Variants in AKAP13 observed in about 807,000 individuals in gnomAD.
AKAP13 encodes the protein A-kinase anchor protein 13.
Under a neutral mutation model 264.5 loss-of-function variants are expected in AKAP13, and 80 were observed. The observed-to-expected ratio is 0.30, with a 90% CI of 0.25 to 0.36. The LOEUF (loss-of-function observed/expected upper bound fraction) is 0.36. Among genes scored for constraint, AKAP13 ranks in the 10% least tolerant of loss-of-function variants. The pLI, the probability that AKAP13 is intolerant of heterozygous loss-of-function variation, is 1.00. For missense variants in AKAP13, 3,712 were observed against 3,435.2 expected, an observed-to-expected ratio of 1.08 and a Z score of -2.01; for synonymous variants, 1,380 against 1,250.2, an observed-to-expected ratio of 1.10 and a Z score of -2.19.
intron 1 of AKAP13, among the ~76,000 whole-genome samples, chr15:85,406,106 C>T (rs560309194): frequency 4.0e-4 from 61 of 152,320 alleles, no homozygotes; most frequent in Non-Finnish European, 7.6e-4. Flanking sequence ...CCTGCCTTGG[C>T]GTCCCAAAGT....
intron 3 of AKAP13, among the ~76,000 whole-genome samples, chr15:85,532,030 C>T (rs2077258763): frequency 6.6e-6 from 1 of 152,216 alleles, no homozygotes; most frequent in African/African-American, 2.4e-5. Flanking sequence ...ACCTTAATAT[C>T]TGTGTAACAT....
intron 3 of AKAP13, among the ~76,000 whole-genome samples, chr15:85,523,133 G>T (rs1325059799): frequency 6.6e-6 from 1 of 151,774 alleles, no homozygotes; most frequent in Admixed American, 6.6e-5. Context: ...TGTGTGCAAG[G>T]GTACCAGTGA....
chr15:85,568,538 C>T (rs899976063), intron 5 of AKAP13, among the ~76,000 whole-genome samples: 2 of 152,088 alleles, frequency 1.3e-5, no homozygotes, highest in African/African-American at 4.8e-5. Flanking sequence ...TCGGTGAATA[C>T]GGAGAATGGT....
intron 10 of AKAP13, among the ~76,000 whole-genome samples, chr15:85,649,379 T>C (rs2082701823): frequency 6.6e-6 from 1 of 152,234 alleles, no homozygotes; most frequent in Non-Finnish European, 1.5e-5. Context: ...CACTGGCAGA[T>C]AGGCCATCAG....
chr15:85,664,825 CTGGTAG>C, intron 13 of AKAP13, 70 bp downstream of exon 13: 1 of 1,443,524 alleles, frequency 6.9e-7, no homozygotes, highest in Non-Finnish European at 9.4e-7. Context: ...GGCAAGGCTT[CTGGTAG>C]TATAAGGCTA....
intron 12 of AKAP13, among the ~76,000 whole-genome samples, chr15:85,663,500 A>G (rs1418187468): frequency 6.6e-6 from 1 of 152,234 alleles, no homozygotes; most frequent in Non-Finnish European, 1.5e-5. Flanking sequence ...TAAATAATTT[A>G]AAAAAGCAAA....
At chr15:85,669,871 C>G in intron 14 of AKAP13, 41 bp downstream of exon 14, 1 of 1,389,264 alleles carries the variant, frequency 7.2e-7, no homozygotes. Flanking sequence ...TATATTAAAT[C>G]TTAACCACTC....
chr15:85,449,557 T>G (rs1463335025), intron 1 of AKAP13, among the ~76,000 whole-genome samples: 1 of 152,196 alleles, frequency 6.6e-6, no homozygotes, highest in Non-Finnish European at 1.5e-5. Context: ...TGGCTGTGGA[T>G]TTGTCATAGG....
Position 85,684,822 on chromosome 15 carries a change from T to A in AKAP13, c.5238T>A (p.Ser1746Arg). The A allele has an allele frequency of 6.2e-7, 1 of 1,613,912 alleles. No homozygotes were observed. Among genetic ancestry groups the A allele is most frequent in the Non-Finnish European group, 8.5e-7 (1 of 1,179,976 alleles). ...DSEWKSGTKVSRTFSYIKNKM... is the reference protein window; with the variant it reads ...DSEWKSGTKVRRTFSYIKNKM... ...AATGGAAGAGTGGAACAAAAGTCAG[T>A]CGTACATTCAGCTACATCAAGAATA... The change falls in exon 16 of 37, where the codon AGT becomes AGA. Residue 1746 changes from serine (S) to arginine (R), a missense_variant. This residue lies in a region of AKAP13 where 2,759 missense variants were observed against 2,411.7 expected (regional missense o/e 1.14). Coordinates refer to ENST00000394518, the MANE Select transcript of AKAP13 (RefSeq NM_007200.5).
chr15:85,529,483 ATGACCCTGT>A (rs1192702226), intron 3 of AKAP13, among the ~76,000 whole-genome samples: 2 of 152,232 alleles, frequency 1.3e-5, no homozygotes, highest in African/African-American at 4.8e-5. Flanking sequence ...CATATGACTA[ATGACCCTGT>A]TGCAAATAGT....
rs118140869 is a variant in AKAP13 at position 85,402,606 on chromosome 15, G to C, written c.-12+21808G>C. ...GCTCTCCGGGAGCTTGGGAAATCCT[G>C]ATAAAAAGATGCAAAGAATCATACT... On this transcript the variant is annotated intron_variant, in intron 1 of 36. Coordinates refer to ENST00000394518, the MANE Select transcript of AKAP13 (RefSeq NM_007200.5). Among the ~76,000 whole-genome samples, 347 of 152,228 alleles carry C rather than the reference G, an allele frequency of 2.3e-3. 1 individual carries two copies. The highest frequency in any genetic ancestry group is 4.3e-3 in the Non-Finnish European group (291 of 68,012).
chr15:85,635,448 A>C (rs1046702962), intron 8 of AKAP13, among the ~76,000 whole-genome samples: 13 of 152,096 alleles, frequency 8.5e-5, no homozygotes, highest in African/African-American at 3.1e-4. Context: ...TTTTATTTTT[A>C]AATATTCCGG....
At chr15:85,669,472 T>C (rs1411260832) in intron 13 of AKAP13, among the ~76,000 whole-genome samples, 1 of 152,200 alleles carries the variant, frequency 6.6e-6, no homozygotes, top group Non-Finnish European at 1.5e-5. Flanking sequence ...GAATGGATAC[T>C]CTAATGATCC....
intron 5 of AKAP13, among the ~76,000 whole-genome samples, chr15:85,545,834 C>G (rs561211077): frequency 6.6e-6 from 1 of 152,276 alleles, no homozygotes; most frequent in Non-Finnish European, 1.5e-5. Flanking sequence ...CTTCCCCTTT[C>G]TTTTCCTATA....
At chr15:85,410,903 A>G (rs1022676997) in intron 1 of AKAP13, among the ~76,000 whole-genome samples, 5 of 149,974 alleles carry the variant, frequency 3.3e-5, no homozygotes, top group Non-Finnish European at 5.9e-5. Flanking sequence ...TTTTAAGAAA[A>G]TGTTCTGTCC....
chr15:85,474,213 A>G (rs1309702589), intron 1 of AKAP13, among the ~76,000 whole-genome samples: 2 of 152,224 alleles, frequency 1.3e-5, no homozygotes, highest in African/African-American at 2.4e-5. Flanking sequence ...TCTTCCTCCA[A>G]GAGGTAAAAG....
In AKAP13 at chr15:85,581,269, T is replaced by C; in HGVS notation, c.3201T>C (p.Val1067=). 1 of 1,614,190 alleles carries C rather than the reference T, an allele frequency of 6.2e-7. No homozygotes were observed. Among genetic ancestry groups the C allele is most frequent in the Non-Finnish European group, 8.5e-7 (1 of 1,180,026 alleles). The change falls in exon 7 of 37, where the codon GTT becomes GTC. Residue 1067 remains valine (V), a synonymous_variant. Coordinates refer to ENST00000394518, the MANE Select transcript of AKAP13 (RefSeq NM_007200.5). ...GCAGTCAGCCTTCTCCTCTGGATGT[T>C]GGAGTGAAGAACACTCAATCCCAGG... ...LNCSQPSPLD[V]GVKNTQSQGK...
chr15:85,697,237 G>A (rs533241121), intron 17 of AKAP13, among the ~76,000 whole-genome samples: 1 of 152,180 alleles, frequency 6.6e-6, no homozygotes, highest in Non-Finnish European at 1.5e-5. Flanking sequence ...AAACCACCAT[G>A]AGGAAGAATT....
At chr15:85,684,530 A>C (rs1340470125) in intron 15 of AKAP13, 10 of 516,368 alleles carry the variant, frequency 1.9e-5, no homozygotes, top group Admixed American at 1.0e-4. Context: ...CACCACTCAG[A>C]GCAAGACTGT....
Sources: allele counts gnomAD v4.1 joint callset (sites outside exome capture counted in the v4.1 genomes callset), GRCh38; gene constraint gnomAD v4.1.1; regional missense constraint gnomAD v4.1.1; transcripts MANE v1.5; gene names NCBI Gene and HGNC (gene_info 2026-07-23, HGNC 2026-07-21).